The following SCYL3 variants were observed in gnomAD, a reference collection of about 807,000 sequenced individuals.
SCYL3 encodes protein-associating with the carboxyl-terminal domain of ezrin.
A neutral mutation model predicts 73.8 loss-of-function variants in SCYL3; 35 were observed. That is an observed-to-expected ratio of 0.47 (90% CI 0.36 to 0.63). SCYL3 has a LOEUF of 0.63. Among genes scored for constraint, SCYL3 ranks in the 20% least tolerant of loss-of-function variants. The pLI, the probability that SCYL3 is intolerant of heterozygous loss-of-function variation, is 0.00. For missense variants in SCYL3, 712 were observed against 798.9 expected (o/e 0.89, Z 1.31); for synonymous variants, 277 against 295.2 (o/e 0.94, Z 0.63).
chr1:169,852,352 C>T lies in SCYL3; in HGVS notation c.*1361G>A, dbSNP rs1658477686. 1 of 274,308 alleles carries T rather than the reference C, an allele frequency of 3.6e-6. No homozygotes were observed. The highest frequency in any genetic ancestry group is 4.3e-5 in the South Asian group (1 of 23,280). 17.0% of individuals were successfully genotyped at this position (274,308 alleles called of 1,614,324 possible). A position where few individuals can be genotyped will look rare whatever the true frequency, so the allele number is the denominator to read the frequency against. On this transcript the variant is annotated 3_prime_UTR_variant, in exon 13 of 13. Coordinates refer to ENST00000367771, the MANE Select transcript of SCYL3 (RefSeq NM_020423.7). Reference sequence around the variant, plus strand: ...CTACTTATTAAAAGGCAGAATTTGACACCAATAAGGATATTCAAAATATTG... The same window carrying T: ...CTACTTATTAAAAGGCAGAATTTGATACCAATAAGGATATTCAAAATATTG...
chr1:169,859,082 G>A lies in SCYL3; in HGVS notation c.1271C>T (p.Thr424Ile). ...GGERTKIFKR[T>I]APSFTKNTDL... ...AGTATTTTTAGTAAAACTTGGGGCA[G>A]TGCGTTTGAAGATCTTGGTTCGTTC... Residue 424 changes from threonine (T) to isoleucine (I), a missense_variant, in exon 11 of 13, where the codon ACT becomes ATT. Around this residue, in one of 2 missense-constraint regions of SCYL3, gnomAD observed 370 missense variants for 350.8 expected, o/e 1.05. Transcript: ENST00000367771. The A allele has an allele frequency of 6.2e-7, 1 of 1,613,980 alleles. No individual in the cohort carries two copies. The highest frequency in any genetic ancestry group is 8.5e-7 in the Non-Finnish European group (1 of 1,179,968).
intron 6 of SCYL3, 58 bp downstream of exon 6, chr1:169,870,197 A>G (rs1410624083): frequency 8.0e-7 from 1 of 1,255,450 alleles, no homozygotes. Flanking sequence ...CACACAGAAT[A>G]CGTCATGGAT....
intron 12 of SCYL3, 78 bp downstream of exon 12, chr1:169,854,192 T>G: frequency 1.8e-6 from 2 of 1,121,572 alleles, no homozygotes; most frequent in Non-Finnish European, 1.3e-6. Context: ...TTGCTTGTTA[T>G]AAATGGGATA....
intron 6 of SCYL3, 85 bp from the exon 7 acceptor site, chr1:169,869,124 C>A: frequency 9.3e-7 from 1 of 1,070,536 alleles, no homozygotes; most frequent in Admixed American, 2.0e-5. Flanking sequence ...AGAGCAAAAA[C>A]CAACCTGTAA....
At chr1:169,858,458 C>G (rs532005373) in intron 11 of SCYL3, among the ~76,000 whole-genome samples, 1 of 152,226 alleles carries the variant, frequency 6.6e-6, no homozygotes, top group Non-Finnish European at 1.5e-5. Flanking sequence ...CTGAAGGACC[C>G]CTGGAGGCTG....
intron 2 of SCYL3, 48 bp downstream of exon 2, chr1:169,888,625 AAAC>A: frequency 6.9e-7 from 1 of 1,452,536 alleles, no homozygotes; most frequent in Non-Finnish European, 9.5e-7. Context: ...TTTTAAAAGA[AAAC>A]AAGATAGTAA....
At chr1:169,867,110 C>T (rs982987887) in intron 7 of SCYL3, 137 bp from the exon 8 acceptor site, 3 of 582,366 alleles carry the variant, frequency 5.2e-6, no homozygotes, top group Non-Finnish European at 9.2e-6. Context: ...TCTATTACAA[C>T]TAAGTAGCTT....
chr1:169,854,912 T>C lies in SCYL3; in HGVS notation c.1365A>G (p.Val455=). The change falls in exon 12 of 13, where the codon GTA becomes GTG. Residue 455 remains valine, a synonymous_variant. Coordinates refer to ENST00000367771, the MANE Select transcript of SCYL3 (RefSeq NM_020423.7). The part of the protein sequence containing the change: ...IKFPINGLSD[V]KNTSEDSENF... ...TTTCACTGTCCTCCGAAGTATTTTT[T>C]ACATCTGAGAGTCCATTTATGGGAA... 1.2e-6 allele frequency: 2 copies of C among 1,613,364 alleles called. No homozygotes were observed. Among genetic ancestry groups the C allele is most frequent in the Non-Finnish European group, 1.7e-6 (2 of 1,179,690 alleles).
intron 5 of SCYL3, among the ~76,000 whole-genome samples, chr1:169,872,536 T>G (rs1393820919): frequency 6.6e-6 from 1 of 152,206 alleles, no homozygotes; most frequent in Admixed American, 6.5e-5. Flanking sequence ...CTAATGGAGC[T>G]GTGAGAAGGA....
chr1:169,867,784 T>A (rs1228642455), intron 7 of SCYL3, among the ~76,000 whole-genome samples: 2 of 152,180 alleles, frequency 1.3e-5, no homozygotes, highest in Non-Finnish European at 2.9e-5. Context: ...ACATTAACAG[T>A]GGGATTTTGG....
At chr1:169,880,855 G>A (rs577569367) in intron 2 of SCYL3, among the ~76,000 whole-genome samples, 4 of 149,858 alleles carry the variant, frequency 2.7e-5, no homozygotes, top group South Asian at 2.1e-4. Flanking sequence ...TCCGCCTCCC[G>A]GGTTCAAGTG....
chr1:169,892,565 CAAG>C (rs1662158917), intron 1 of SCYL3, among the ~76,000 whole-genome samples: 1 of 152,214 alleles, frequency 6.6e-6, no homozygotes, highest in African/African-American at 2.4e-5. Context: ...TAAAAAGTCA[CAAG>C]AAGGTAGAAA....
chr1:169,870,456 T>C (rs1660314337), intron 5 of SCYL3, 99 bp from the exon 6 acceptor site: 1 of 723,782 alleles, frequency 1.4e-6, no homozygotes, highest in African/African-American at 1.8e-5. Context: ...TTTATTATAC[T>C]CAAATCTATC....
intron 2 of SCYL3, among the ~76,000 whole-genome samples, chr1:169,880,266 T>TA (rs1661152210): frequency 6.6e-6 from 1 of 152,122 alleles, no homozygotes; most frequent in South Asian, 2.1e-4. Flanking sequence ...TGAAAATACT[T>TA]AAAGTATTTA....
chr1:169,853,211 A>G lies in SCYL3; in HGVS notation c.*502T>C, dbSNP rs1427028464. ...CAGGAACTGCCTAGGTCCACAAAGA[A>G]CCATTTACTCAGATAGTCTAACTGT... On this transcript the variant is annotated 3_prime_UTR_variant, in exon 13 of 13. Coordinates refer to ENST00000367771, the MANE Select transcript of SCYL3 (RefSeq NM_020423.7). 1 of 556,596 alleles carries G rather than the reference A, an allele frequency of 1.8e-6. No homozygotes were observed. The highest frequency in any genetic ancestry group is 3.2e-6 in the Non-Finnish European group (1 of 314,188). 34.5% of individuals were successfully genotyped at this position (556,596 alleles called of 1,614,324 possible).
intron 2 of SCYL3, among the ~76,000 whole-genome samples, chr1:169,880,693 A>T (rs1661177647): frequency 6.6e-6 from 1 of 152,140 alleles, no homozygotes; most frequent in Non-Finnish European, 1.5e-5. Context: ...TACCAAAGGG[A>T]AACTTGGATC....
intron 3 of SCYL3, among the ~76,000 whole-genome samples, chr1:169,878,141 A>C (rs2102190218): frequency 6.6e-6 from 1 of 152,324 alleles, no homozygotes; most frequent in African/African-American, 2.4e-5. Context: ...GAATGTTAAG[A>C]GGCTGTCTCT....
chr1:169,853,196 C>T lies in SCYL3; in HGVS notation c.*517G>A. On this transcript the variant is annotated 3_prime_UTR_variant, in exon 13 of 13. Coordinates refer to ENST00000367771, the MANE Select transcript of SCYL3 (RefSeq NM_020423.7). ...TACATGTGGAACAGTCAGGAACTGCCTAGGTCCACAAAGAACCATTTACTC... is the reference window on the plus strand; with the variant it reads ...TACATGTGGAACAGTCAGGAACTGCTTAGGTCCACAAAGAACCATTTACTC... 1 of 583,366 alleles carries T rather than the reference C, an allele frequency of 1.7e-6. No homozygotes were observed. Among genetic ancestry groups the T allele is most frequent in the Non-Finnish European group, 3.0e-6 (1 of 330,350 alleles). 36.1% of individuals were successfully genotyped at this position (583,366 alleles called of 1,614,324 possible).
At position 169,853,110 on chromosome 1, in the gene SCYL3, T is replaced by C; in HGVS notation, c.*603A>G. On this transcript the variant is annotated 3_prime_UTR_variant, in exon 13 of 13. Coordinates refer to ENST00000367771, the MANE Select transcript of SCYL3 (RefSeq NM_020423.7). ...TGAATCTAGTGAAAATAATCTTTAT[T>C]TGACATTTAGAGAACAGGATTGTGG... 1.1e-6 allele frequency: 1 copy of C among 911,962 alleles called. No individual in the cohort carries two copies. The highest frequency in any genetic ancestry group is 1.7e-6 in the Non-Finnish European group (1 of 596,314). The allele number at this position is 911,962 out of a possible 1,614,324, so 56.5% of individuals were successfully genotyped here. A position where few individuals can be genotyped will look rare whatever the true frequency, so the allele number is the denominator to read the frequency against.
Sources: allele counts gnomAD v4.1 joint callset (sites outside exome capture counted in the v4.1 genomes callset), GRCh38; gene constraint gnomAD v4.1.1; regional missense constraint gnomAD v4.1.1; transcripts MANE v1.5; gene names NCBI Gene and HGNC (gene_info 2026-07-23, HGNC 2026-07-21).